Variants in TNS1 observed in about 807,000 individuals in gnomAD.
TNS1 encodes the protein tensin 1.
A neutral mutation model predicts 168.6 loss-of-function variants in TNS1; 62 were observed. The observed-to-expected ratio is 0.37, with a 90% CI of 0.30 to 0.45. TNS1 has a LOEUF of 0.45. Ranked by LOEUF, TNS1 falls within the 20% of genes least tolerant of loss-of-function variation. The pLI is 1.00. For missense variants in TNS1, 2,240 were observed against 2,339.4 expected, an observed-to-expected ratio of 0.96 and a Z score of 0.88; for synonymous variants, 934 against 933.2, an observed-to-expected ratio of 1.00 and a Z score of -0.02.
At chr2:217,903,411 T>A (rs117150346) in intron 6 of TNS1, among the ~76,000 whole-genome samples, 1 of 152,290 alleles carries the variant, frequency 6.6e-6, no homozygotes, top group East Asian at 1.9e-4. Context: ...ACTACAGGAC[T>A]TTACAAACCT....
Position 217,835,157 on chromosome 2 carries a change from G to A in TNS1, c.3214C>T (p.His1072Tyr). Residue 1072 changes from histidine (H) to tyrosine (Y), a missense_variant, in exon 21 of 33, where the codon CAC (histidine) becomes TAC (tyrosine). Physicochemically the swap from His to Tyr is moderately conservative, Grantham distance 83. Around this residue, in one of 2 missense-constraint regions of TNS1, gnomAD observed 2,131 missense variants for 2,171.2 expected, o/e 0.98. Transcript: ENST00000682258. ...TCCTCGAAGGCCTCCTTGTAGCTGTGCAAATGGGGCTGTGGGAGAACACAG... is the reference window on the plus strand; with the variant it reads ...TCCTCGAAGGCCTCCTTGTAGCTGTACAAATGGGGCTGTGGGAGAACACAG... ...PGGRPKEPHL[H>Y]SYKEAFEEME... 26 of 1,600,214 alleles carry A rather than the reference G, an allele frequency of 1.6e-5. No homozygotes were observed. The highest frequency in any genetic ancestry group is 2.2e-5 in the Non-Finnish European group (26 of 1,174,606).
chr2:217,888,996 C>G (rs1454987469), intron 12 of TNS1, among the ~76,000 whole-genome samples: 2 of 152,216 alleles, frequency 1.3e-5, no homozygotes, highest in African/African-American at 4.8e-5. Flanking sequence ...GAACAGCATG[C>G]TTCTCTCTTA....
rs545832395 is a variant in TNS1 at position 217,976,665 on chromosome 2, T to G, written c.186+2100A>C. Among the ~76,000 whole-genome samples the G allele has an allele frequency of 2.6e-5, 4 of 152,296 alleles. No homozygotes were observed. In the South Asian group the frequency reaches 6.2e-4, roughly 24 times the overall value. On this transcript the variant is annotated intron_variant, in intron 3 of 32. Coordinates refer to ENST00000682258, the MANE Select transcript of TNS1 (RefSeq NM_001387777.1). ...TCAGGTAGGCTATGCCCCCAAAAAG[T>G]CATCTTTGCCATTTGCCTGTTCCCA...
At chr2:218,024,766 T>A (rs6713639) in intron 1 of TNS1, among the ~76,000 whole-genome samples, 85,342 of 151,790 alleles carry the variant, frequency 0.56, 25,918 homozygotes, top group African/African-American at 0.78. Flanking sequence ...GGGGAAGAGG[T>A]GAAGGGTACA....
At chr2:217,945,092 C>CCTCA (rs1318646060) in intron 3 of TNS1, among the ~76,000 whole-genome samples, 1 of 152,168 alleles carries the variant, frequency 6.6e-6, no homozygotes, top group Non-Finnish European at 1.5e-5. Context: ...GTGCGGAGGA[C>CCTCA]CTCACACCTG....
At chr2:217,866,337 A>C (rs1311720950) in intron 18 of TNS1, among the ~76,000 whole-genome samples, 4 of 152,176 alleles carry the variant, frequency 2.6e-5, no homozygotes, top group African/African-American at 9.7e-5. Flanking sequence ...CAAGGATACA[A>C]CTCAGAGAAG....
chr2:217,813,996 T>C lies in TNS1; in HGVS notation c.4730-180A>G. ...TACTCAGGTTGGCAAACTTATTCTGTTGGGTTTTTATGTTTGTTTTTGTGA... is the reference window on the plus strand; with the variant it reads ...TACTCAGGTTGGCAAACTTATTCTGCTGGGTTTTTATGTTTGTTTTTGTGA... On this transcript the variant is annotated intron_variant, in intron 25 of 32. Coordinates refer to ENST00000682258, the MANE Select transcript of TNS1 (RefSeq NM_001387777.1). This position sits in a 1 kb window ranked among gnomAD's most constrained non-coding sequence, Gnocchi z 4.0. The C allele has an allele frequency of 4.6e-6, 3 of 651,156 alleles. No individual in the cohort carries two copies. The highest frequency in any genetic ancestry group is 3.8e-5 in the East Asian group (1 of 26,524). 40.3% of individuals were successfully genotyped at this position (651,156 alleles called of 1,614,324 possible). A position where few individuals can be genotyped will look rare whatever the true frequency, so the allele number is the denominator to read the frequency against.
intron 1 of TNS1, among the ~76,000 whole-genome samples, chr2:218,029,754 G>A (rs924601294): frequency 1.3e-5 from 2 of 152,184 alleles, no homozygotes; most frequent in African/African-American, 4.8e-5. Flanking sequence ...GCCCTCCAAG[G>A]GGGATTAGTG....
chr2:217,843,379 C>A (rs918690640), intron 19 of TNS1, among the ~76,000 whole-genome samples: 1 of 151,916 alleles, frequency 6.6e-6, no homozygotes, highest in African/African-American at 2.4e-5. Flanking sequence ...AACCTACTCC[C>A]CTCCTCTTCT....
rs1444225914 is a variant in TNS1 at position 217,850,577 on chromosome 2, C to CGACA, written c.1430-1494_1430-1491dup. The CGACA allele has an allele frequency of 1.3e-5, 12 of 954,588 alleles. No homozygotes were observed. In the African/African-American group the frequency reaches 1.9e-4, roughly 15 times the overall value. 59.1% of individuals were successfully genotyped at this position (954,588 alleles called of 1,614,324 possible). ...CAGTCAGCAGCCCAGCCACCAGCCCCGACAGACACACACACACACACACAC... is the reference window on the plus strand; with the variant it reads ...CAGTCAGCAGCCCAGCCACCAGCCCCGACAGACAGACACACACACACACACACAC... On this transcript the variant is annotated intron_variant, in intron 18 of 32. Transcript: ENST00000682258.
At chr2:217,984,398 A>T (rs547565370) in intron 2 of TNS1, among the ~76,000 whole-genome samples, 85 of 152,134 alleles carry the variant, frequency 5.6e-4, no homozygotes, top group African/African-American at 2.0e-3. Context: ...CAAATTCGTA[A>T]ATTTCTTAAA....
At chr2:217,873,490 C>A (rs901285384) in intron 18 of TNS1, among the ~76,000 whole-genome samples, 4 of 152,178 alleles carry the variant, frequency 2.6e-5, no homozygotes, top group African/African-American at 9.7e-5. Context: ...GGTGGGGGCG[C>A]ACTGGCCACC....
intron 1 of TNS1, among the ~76,000 whole-genome samples, chr2:218,027,039 G>A (rs796527956): frequency 7.2e-5 from 11 of 152,170 alleles, no homozygotes; most frequent in African/African-American, 2.4e-4. Flanking sequence ...AAGGGCAGCC[G>A]GCTTCTGGGG....
chr2:217,909,202 G>C (rs1954068363), intron 4 of TNS1, among the ~76,000 whole-genome samples: 1 of 151,960 alleles, frequency 6.6e-6, no homozygotes, highest in Non-Finnish European at 1.5e-5. Flanking sequence ...GAGACCTGAG[G>C]TTGGGCAGAA....
chr2:217,847,511 T>G lies in TNS1; in HGVS notation c.3006A>C (p.Ala1002=). ...NLEGLVAHRV[A]GVQAREKQPA... is the part of the protein sequence containing the mutation. ...GAGTCAGGACTGAATACCTCTTACCTGCTACCCTGTGGGCCACCAGCCCTT... is the reference window on the plus strand; with the variant it reads ...GAGTCAGGACTGAATACCTCTTACCGGCTACCCTGTGGGCCACCAGCCCTT... The change falls in exon 19 of 33, where the codon GCA becomes GCC. Residue 1002 remains alanine, a splice_region_variant and synonymous_variant. Transcript: ENST00000682258. The G allele has an allele frequency of 6.8e-7, 1 of 1,464,984 alleles. No homozygotes were observed. 90.7% of individuals were successfully genotyped at this position (1,464,984 alleles called of 1,614,324 possible). A position where few individuals can be genotyped will look rare whatever the true frequency, so the allele number is the denominator to read the frequency against.
At chr2:217,965,746 G>A (rs1232654084) in intron 3 of TNS1, among the ~76,000 whole-genome samples, 1 of 152,158 alleles carries the variant, frequency 6.6e-6, no homozygotes, top group Non-Finnish European at 1.5e-5. Flanking sequence ...TGCTCTCCCT[G>A]CTTAGCCAGC....
intron 3 of TNS1, among the ~76,000 whole-genome samples, chr2:217,974,203 T>G (rs914405769): frequency 8.2e-4 from 125 of 152,352 alleles, no homozygotes; most frequent in African/African-American, 2.9e-3. Context: ...CTGGTTCTCA[T>G]GTATGTACAA....
intron 18 of TNS1, among the ~76,000 whole-genome samples, chr2:217,860,790 C>T (rs1948707766): frequency 6.6e-6 from 1 of 152,014 alleles, no homozygotes; most frequent in Non-Finnish European, 1.5e-5. Context: ...AATAAATATA[C>T]CTAATATCAG....
At chr2:217,850,893 G>T (rs1947395185) in intron 18 of TNS1, among the ~76,000 whole-genome samples, 1 of 152,168 alleles carries the variant, frequency 6.6e-6, no homozygotes, top group Admixed American at 6.5e-5. Flanking sequence ...AGTGAGCACA[G>T]CGCAAACGCC....
Sources: allele counts gnomAD v4.1 joint callset (sites outside exome capture counted in the v4.1 genomes callset), GRCh38; gene constraint gnomAD v4.1.1; regional missense constraint gnomAD v4.1.1; non-coding constraint Gnocchi (gnomAD v3.1); transcripts MANE v1.5; gene names NCBI Gene and HGNC (gene_info 2026-07-23, HGNC 2026-07-21).